Variants in NAALADL2 observed in about 807,000 individuals in gnomAD.
The protein encoded by NAALADL2 is N-acetylated alpha-linked acidic dipeptidase like 2.
NAALADL2 carries 76 observed loss-of-function variants against 87.2 expected under a neutral mutation model. The observed-to-expected ratio is 0.87, with a 90% confidence interval of 0.72 to 1.05. NAALADL2 has a LOEUF of 1.05. Among genes scored for constraint, NAALADL2 ranks in the 50% least tolerant of loss-of-function variants. NAALADL2 has a pLI of 0.00. For missense variants in NAALADL2, 1,089 were observed against 945.8 expected (o/e 1.15, Z -1.99); for synonymous variants, 354 against 331.0 (o/e 1.07, Z -0.75).
At chr3:174,632,915 C>T (rs1722259769) in intron 2 of NAALADL2, among the ~76,000 whole-genome samples, 1 of 105,468 alleles carries the variant, frequency 9.5e-6, no homozygotes, top group Admixed American at 1.6e-4. Context: ...AGCCTGGAGA[C>T]AGAGCAAGAC....
chr3:174,461,762 T>C (rs1348488356), intron 1 of NAALADL2, among the ~76,000 whole-genome samples: 2 of 152,110 alleles, frequency 1.3e-5, no homozygotes, highest in Non-Finnish European at 2.9e-5. Flanking sequence ...TTCTATACTA[T>C]AGTGCCCTTA....
intron 9 of NAALADL2, among the ~76,000 whole-genome samples, chr3:175,550,186 C>G (rs1409225164): frequency 6.6e-6 from 1 of 152,050 alleles, no homozygotes; most frequent in Non-Finnish European, 1.5e-5. Flanking sequence ...ACATTTTGAG[C>G]AGAATGGTCA....
At chr3:175,052,499 T>C (rs992524096) in intron 1 of NAALADL2, among the ~76,000 whole-genome samples, 1 of 152,188 alleles carries the variant, frequency 6.6e-6, no homozygotes, top group Non-Finnish European at 1.5e-5. Context: ...CTGCAGACTA[T>C]ACAAAGACAA....
chr3:174,719,333 C>T (rs914812065), intron 2 of NAALADL2, among the ~76,000 whole-genome samples: 1 of 152,038 alleles, frequency 6.6e-6, no homozygotes, highest in African/African-American at 2.4e-5. Flanking sequence ...AAAACATATT[C>T]TGTTTGTAAA....
At chr3:175,057,910 C>G (rs967291763) in intron 1 of NAALADL2, among the ~76,000 whole-genome samples, 3 of 152,190 alleles carry the variant, frequency 2.0e-5, no homozygotes, top group Non-Finnish European at 4.4e-5. Flanking sequence ...GGCATTCATG[C>G]TAACTTTCTT....
intron 4 of NAALADL2, among the ~76,000 whole-genome samples, chr3:175,299,400 A>G (rs62285152): frequency 0.17 from 25,386 of 151,290 alleles, 2,225 homozygotes; most frequent in African/African-American, 0.21. Context: ...CATTTTCATG[A>G]TATTGATTCT....
At chr3:175,394,378 C>T (rs1002885747) in intron 5 of NAALADL2, among the ~76,000 whole-genome samples, 4 of 152,078 alleles carry the variant, frequency 2.6e-5, no homozygotes, top group South Asian at 4.1e-4. Context: ...CTACTTTAGG[C>T]GATCATATTC....
intron 5 of NAALADL2, among the ~76,000 whole-genome samples, chr3:175,334,314 C>G (rs1560380277): frequency 6.6e-6 from 1 of 152,194 alleles, no homozygotes; most frequent in East Asian, 1.9e-4. Flanking sequence ...TTTATAGATA[C>G]TGATAGCTTC....
At chr3:174,806,951 T>C (rs1332017964) in intron 3 of NAALADL2, among the ~76,000 whole-genome samples, 2 of 152,128 alleles carry the variant, frequency 1.3e-5, no homozygotes, top group Non-Finnish European at 2.9e-5. Flanking sequence ...TCCTTAGTTA[T>C]AGATTAGGGA....
intron 1 of NAALADL2, among the ~76,000 whole-genome samples, chr3:175,070,215 A>T (rs927613796): frequency 6.6e-6 from 1 of 151,762 alleles, no homozygotes; most frequent in Non-Finnish European, 1.5e-5. Flanking sequence ...ACAATAAAAA[A>T]TCTTAAATCT....
At chr3:174,626,462 T>C (rs1721588504) in intron 2 of NAALADL2, among the ~76,000 whole-genome samples, 1 of 152,100 alleles carries the variant, frequency 6.6e-6, no homozygotes, top group Non-Finnish European at 1.5e-5. Flanking sequence ...AATTTTTTAT[T>C]AGTATGTTGG....
chr3:174,689,327 A>T lies in NAALADL2; in HGVS notation c.-114-48314A>T, dbSNP rs577012324. ...CTGTTAATTGAAATAGCCCTCAGCC[A>T]TCAAGAGCCACAAGAATACCAATTG... is the stretch of plus-strand genomic sequence containing the variant. On this transcript the variant is annotated intron_variant, in intron 2 of 3. Transcript: ENST00000434257. Among the ~76,000 whole-genome samples, 5 of 151,904 alleles carry T rather than the reference A, an allele frequency of 3.3e-5. No individual in the cohort carries two copies. The South Asian group carries it at 1.0e-3, about 32-fold the overall frequency.
chr3:174,593,174 C>T (rs1231446237), intron 2 of NAALADL2, among the ~76,000 whole-genome samples: 1 of 152,108 alleles, frequency 6.6e-6, no homozygotes, highest in Non-Finnish European at 1.5e-5. Flanking sequence ...TCCATATTAA[C>T]CTTCCTAATG....
At chr3:175,642,327 A>G (rs1219308607) in intron 11 of NAALADL2, among the ~76,000 whole-genome samples, 1 of 152,178 alleles carries the variant, frequency 6.6e-6, no homozygotes, top group Admixed American at 6.5e-5. Context: ...TTCAGATTCA[A>G]GAATGTAAAA....
chr3:175,016,274 TATAA>T (rs1750795947), intron 1 of NAALADL2, among the ~76,000 whole-genome samples: 1 of 148,314 alleles, frequency 6.7e-6, no homozygotes, highest in Admixed American at 6.8e-5. Flanking sequence ...TATATATATA[TATAA>T]AAAACAATAG....
At chr3:175,644,749 A>C (rs76149305) in intron 11 of NAALADL2, among the ~76,000 whole-genome samples, 1 of 152,236 alleles carries the variant, frequency 6.6e-6, no homozygotes, top group Non-Finnish European at 1.5e-5. Flanking sequence ...TGTAAAAATT[A>C]GCTTGTCAAA....
chr3:175,409,926 A>C (rs1211431886), intron 5 of NAALADL2, among the ~76,000 whole-genome samples: 1 of 152,090 alleles, frequency 6.6e-6, no homozygotes, highest in African/African-American at 2.4e-5. Flanking sequence ...AAAGGGAAGA[A>C]TCAGGGGATA....
At chr3:175,077,202 T>A (rs1007137496) in intron 1 of NAALADL2, among the ~76,000 whole-genome samples, 1 of 152,188 alleles carries the variant, frequency 6.6e-6, no homozygotes, top group Non-Finnish European at 1.5e-5. Flanking sequence ...TTAGGAAATT[T>A]AAAAAATGAG....
At chr3:174,517,029 C>T (rs1719976295) in intron 1 of NAALADL2, among the ~76,000 whole-genome samples, 1 of 151,758 alleles carries the variant, frequency 6.6e-6, no homozygotes, top group Non-Finnish European at 1.5e-5. Flanking sequence ...TTGCGAAAAG[C>T]TCCCTTGCTA....
Sources: allele counts gnomAD v4.1 joint callset (sites outside exome capture counted in the v4.1 genomes callset), GRCh38; gene constraint gnomAD v4.1.1; transcripts MANE v1.5; gene names NCBI Gene and HGNC (gene_info 2026-07-23, HGNC 2026-07-21).